The following SKP1 variants were observed in gnomAD, a reference collection of about 807,000 sequenced individuals.
SKP1 encodes the protein S-phase kinase associated protein 1.
A neutral mutation model predicts 21.5 loss-of-function variants in SKP1; 1 was observed. The observed-to-expected ratio is 0.05, with a 90% CI of 0.02 to 0.22. SKP1 has a LOEUF of 0.22. Ranked by LOEUF, SKP1 falls within the 10% of genes least tolerant of loss-of-function variation. SKP1 has a pLI of 1.00. For synonymous variants in SKP1, 59 were observed against 59.3 expected, an observed-to-expected ratio of 0.99 and a Z score of 0.03; for missense variants, 70 against 192.0, an observed-to-expected ratio of 0.36 and a Z score of 3.76.
In SKP1 at chr5:134,150,584, G is replaced by A. The variant is rs1761029297; in HGVS notation, c.*7149C>T. 6.6e-6 allele frequency: 1 copy of A among 152,280 alleles called. No individual in the cohort carries two copies. The highest frequency in any genetic ancestry group is 1.9e-4 in the East Asian group (1 of 5,184). The allele number at this position is 152,280 out of a possible 1,614,324, so 9.4% of individuals were successfully genotyped here. A position where few individuals can be genotyped will look rare whatever the true frequency, so the allele number is the denominator to read the frequency against. On this transcript the variant is annotated 3_prime_UTR_variant, in exon 6 of 6. Transcript: ENST00000353411. ...AAGGCTAAGTTGGCTTTTCTTTGAG[G>A]TTCTTTGAGAGTCCTTAACTGCGAC...
At chr5:134,174,148 A>ACCCTG in intron 1 of SKP1, 126 bp from the exon 2 acceptor site, 1 of 654,208 alleles carries the variant, frequency 1.5e-6, no homozygotes, top group South Asian at 1.9e-5. Flanking sequence ...ACAATACATA[A>ACCCTG]CCCTGTAAAG....
At chr5:134,163,212 C>CAAAAAAAAAAAAA (rs747546593) in intron 3 of SKP1, among the ~76,000 whole-genome samples, 81 of 70,070 alleles carry the variant, frequency 1.2e-3, no homozygotes, top group African/African-American at 5.4e-3. Flanking sequence ...GCGATTCTGT[C>CAAAAAAAAAAAAA]AAAAAAAAAA....
intron 3 of SKP1, chr5:134,161,474 A>C (rs1352784871): frequency 6.0e-6 from 1 of 167,560 alleles, no homozygotes; most frequent in Non-Finnish European, 1.2e-5. Flanking sequence ...AAAATCATTA[A>C]AGAGAAATGG....
Position 134,169,059 on chromosome 5 carries a change from A to C in SKP1, c.98-1816T>G, listed in dbSNP as rs72796657. Among the ~76,000 whole-genome samples the C allele has an allele frequency of 3.0e-3, 464 of 152,234 alleles. 2 individuals are homozygous for C. The highest frequency in any genetic ancestry group is 4.9e-3 in the Non-Finnish European group (335 of 68,024). ...CCCTGGGGAACTGCAGGCTTTAAAG[A>C]CTGGAAGACAGAAGGGTGTGAGGTA... On this transcript the variant is annotated intron_variant, in intron 2 of 5. Coordinates refer to ENST00000353411, the MANE Select transcript of SKP1 (RefSeq NM_170679.3).
intron 2 of SKP1, among the ~76,000 whole-genome samples, chr5:134,168,568 A>G (rs1270511579): frequency 6.6e-6 from 1 of 152,224 alleles, no homozygotes; most frequent in Non-Finnish European, 1.5e-5. Flanking sequence ...AAGGAAGTTA[A>G]AGAACATGGG....
Position 134,151,800 on chromosome 5 carries a change from C to CA in SKP1, c.*5932dup. 2.6e-6 allele frequency: 1 copy of CA among 390,256 alleles called. No individual in the cohort carries two copies. The highest frequency in any genetic ancestry group is 5.3e-6 in the Non-Finnish European group (1 of 188,942). The allele number at this position is 390,256 out of a possible 1,614,324, so 24.2% of individuals were successfully genotyped here. A position where few individuals can be genotyped will look rare whatever the true frequency, so the allele number is the denominator to read the frequency against. On this transcript the variant is annotated 3_prime_UTR_variant, in exon 6 of 6. Coordinates refer to ENST00000353411, the MANE Select transcript of SKP1 (RefSeq NM_170679.3). ...AGGTAGCCAGCAGTACACAAGACTG[C>CA]AAGGCAACAAGTACATTATCAATGA...
rs1359196741 is a variant in SKP1 at position 134,155,602 on chromosome 5, T to C, written c.*2131A>G. 2 of 152,250 alleles carry C rather than the reference T, an allele frequency of 1.3e-5. No homozygotes were observed. The highest frequency in any genetic ancestry group is 2.9e-5 in the Non-Finnish European group (2 of 68,046). The allele number at this position is 152,250 out of a possible 1,614,324, so 9.4% of individuals were successfully genotyped here. On this transcript the variant is annotated 3_prime_UTR_variant, in exon 6 of 6. Coordinates refer to ENST00000353411, the MANE Select transcript of SKP1 (RefSeq NM_170679.3). ...CATCCAATCTTTCTGAAAGATCTCA[T>C]TATCCTTTAAATACGGATAGTGACG... is the stretch of plus-strand genomic sequence containing the variant.
At position 134,152,545 on chromosome 5, in the gene SKP1, CTTT is replaced by C. The variant is rs531398002; in HGVS notation, c.*5185_*5187del. ...CTCATTAATCTGTTCTGTCCAGAAACTTTTTTTTTTTGAAACGGAGTCTCGCTC... is the reference window on the plus strand; with the variant it reads ...CTCATTAATCTGTTCTGTCCAGAAACTTTTTTTTGAAACGGAGTCTCGCTC... On this transcript the variant is annotated 3_prime_UTR_variant, in exon 6 of 6. Coordinates refer to ENST00000353411, the MANE Select transcript of SKP1 (RefSeq NM_170679.3). The C allele has an allele frequency of 0.043, 6,357 of 148,878 alleles. 375 individuals are homozygous for C. The highest frequency in any genetic ancestry group is 0.14 in the African/African-American group (5,592 of 40,864). The allele number at this position is 148,878 out of a possible 1,614,324, so 9.2% of individuals were successfully genotyped here.
intron 5 of SKP1, 54 bp from the exon 6 acceptor site, chr5:134,157,822 C>CATA: frequency 3.7e-6 from 6 of 1,612,784 alleles, no homozygotes; most frequent in Non-Finnish European, 5.1e-6. Flanking sequence ...TTTCCTAAGA[C>CATA]TTATAAATAC....
At position 134,150,397 on chromosome 5, in the gene SKP1, T is replaced by C. The variant is rs1761027290; in HGVS notation, c.*7336A>G. On this transcript the variant is annotated 3_prime_UTR_variant, in exon 6 of 6. Transcript: ENST00000353411. ...TAAAGGGAAGCGGAAGGGTTCTTTATATCCTGTTCCAGAGAGGAAGAAAGG... is the reference window on the plus strand; with the variant it reads ...TAAAGGGAAGCGGAAGGGTTCTTTACATCCTGTTCCAGAGAGGAAGAAAGG... 6.6e-6 allele frequency: 1 copy of C among 152,234 alleles called. No individual in the cohort carries two copies. Among genetic ancestry groups the C allele is most frequent in the African/African-American group, 2.4e-5 (1 of 41,460 alleles). The allele number at this position is 152,234 out of a possible 1,614,324, so 9.4% of individuals were successfully genotyped here.
intron 1 of SKP1, chr5:134,176,539 G>C (rs768494460): frequency 6.6e-6 from 1 of 152,342 alleles, no homozygotes; most frequent in Non-Finnish European, 1.5e-5. Flanking sequence ...GCCGCAGCCT[G>C]GGCCTTGCAG....
At chr5:134,164,238 A>G (rs533018020) in intron 3 of SKP1, among the ~76,000 whole-genome samples, 1 of 151,846 alleles carries the variant, frequency 6.6e-6, no homozygotes, top group South Asian at 2.1e-4. Flanking sequence ...AGAACTGCTT[A>G]AAGCCCGGAG....
At chr5:134,158,167 G>A in intron 5 of SKP1, 2 of 1,385,856 alleles carry the variant, frequency 1.4e-6, no homozygotes, top group South Asian at 3.0e-5. Flanking sequence ...TGTCAGATAT[G>A]TATGGTCTAT....
chr5:134,158,645 A>G, intron 4 of SKP1, 50 bp from the exon 5 acceptor site: 1 of 1,509,518 alleles, frequency 6.6e-7, no homozygotes, highest in Non-Finnish European at 9.2e-7. Context: ...GTTTTAAACT[A>G]AATCCAAAGT....
intron 1 of SKP1, among the ~76,000 whole-genome samples, chr5:134,175,758 A>G (rs562395516): frequency 5.9e-5 from 9 of 152,378 alleles, no homozygotes; most frequent in African/African-American, 2.2e-4. Flanking sequence ...AAACTCAAAG[A>G]TAAGTTTTAG....
intron 2 of SKP1, among the ~76,000 whole-genome samples, chr5:134,168,755 A>C (rs1427392274): frequency 6.6e-6 from 1 of 152,140 alleles, no homozygotes; most frequent in African/African-American, 2.4e-5. Context: ...AGGGTACACT[A>C]AGGTTTATGG....
intron 2 of SKP1, among the ~76,000 whole-genome samples, chr5:134,169,155 T>C (rs1580620574): frequency 6.6e-6 from 1 of 152,210 alleles, no homozygotes; most frequent in Non-Finnish European, 1.5e-5. Context: ...TCAACAGGTC[T>C]AGATAAGAAC....
intron 2 of SKP1, among the ~76,000 whole-genome samples, chr5:134,169,538 T>G (rs2149376413): frequency 6.6e-6 from 1 of 152,350 alleles, no homozygotes; most frequent in Non-Finnish European, 1.5e-5. Flanking sequence ...TAGATCCAAA[T>G]GTAATTTGGA....
At position 134,150,545 on chromosome 5, in the gene SKP1, G is replaced by A. The variant is rs1761028652; in HGVS notation, c.*7188C>T. ...AAGTAGAATTTAAGACCCAAATCTA[G>A]TTAATTGTATAAAAAGGCTAAGTTG... On this transcript the variant is annotated 3_prime_UTR_variant, in exon 6 of 6. Coordinates refer to ENST00000353411, the MANE Select transcript of SKP1 (RefSeq NM_170679.3). 1 of 152,204 alleles carries A rather than the reference G, an allele frequency of 6.6e-6. No homozygotes were observed. Among genetic ancestry groups the A allele is most frequent in the Non-Finnish European group, 1.5e-5 (1 of 68,032 alleles). The allele number at this position is 152,204 out of a possible 1,614,324, so 9.4% of individuals were successfully genotyped here.
Sources: allele counts gnomAD v4.1 joint callset (sites outside exome capture counted in the v4.1 genomes callset), GRCh38; gene constraint gnomAD v4.1.1; transcripts MANE v1.5; gene names NCBI Gene and HGNC (gene_info 2026-07-23, HGNC 2026-07-21).